The following TSHZ3 variants were observed in gnomAD, a reference collection of about 807,000 sequenced individuals.
TSHZ3 encodes the protein teashirt homolog 3.
Under a neutral mutation model 64.5 loss-of-function variants are expected in TSHZ3, and 10 were observed. That is an observed-to-expected ratio of 0.16 (90% CI 0.10 to 0.26). The LOEUF is 0.26. TSHZ3 is among the 10% of genes least tolerant of loss of function. TSHZ3 has a pLI of 1.00. For synonymous variants in TSHZ3, 608 were observed against 593.1 expected, an observed-to-expected ratio of 1.03 and a Z score of -0.36; for missense variants, 1,242 against 1,421.7, an observed-to-expected ratio of 0.87 and a Z score of 2.03.
intron 1 of TSHZ3, among the ~76,000 whole-genome samples, chr19:31,324,456 G>C (rs1599649117): frequency 6.6e-6 from 1 of 152,178 alleles, no homozygotes; most frequent in African/African-American, 2.4e-5. Flanking sequence ...CACGATGAAG[G>C]CTTCAAATTC....
intron 3 of TSHZ3, among the ~76,000 whole-genome samples, chr19:31,233,784 A>AT (rs755488519): frequency 5.3e-5 from 8 of 151,950 alleles, no homozygotes; most frequent in Middle Eastern, 3.2e-3. Context: ...ATTGAGGTTC[A>AT]TTTTTTTTCT....
chr19:31,344,627 C>T (rs949095503), intron 1 of TSHZ3, among the ~76,000 whole-genome samples: 2 of 152,230 alleles, frequency 1.3e-5, no homozygotes, highest in African/African-American at 4.8e-5. Context: ...CTGGCCCCAG[C>T]CTGACTCTGG....
chr19:31,346,132 C>G (rs897878099), intron 1 of TSHZ3, among the ~76,000 whole-genome samples: 3 of 152,188 alleles, frequency 2.0e-5, no homozygotes, highest in Non-Finnish European at 2.9e-5. Context: ...ATTCTTGGAG[C>G]CTGCTTCGGC....
At chr19:31,253,759 C>T (rs925062009) in intron 1 of TSHZ3, among the ~76,000 whole-genome samples, 7 of 152,156 alleles carry the variant, frequency 4.6e-5, no homozygotes, top group African/African-American at 7.2e-5. Context: ...ACTTCTACCT[C>T]GCAACCCGGA....
chr19:31,212,174 G>A (rs1975265639), intron 4 of TSHZ3, among the ~76,000 whole-genome samples: 1 of 152,050 alleles, frequency 6.6e-6, no homozygotes, highest in African/African-American at 2.4e-5. Context: ...AGCAAAGGGT[G>A]GCCAGACGCC....
chr19:31,197,986 G>T (rs529281475), intron 5 of TSHZ3, among the ~76,000 whole-genome samples: 11 of 152,060 alleles, frequency 7.2e-5, no homozygotes, highest in African/African-American at 2.6e-4. Context: ...CAGACAAAAA[G>T]ACATGACAAT....
At position 31,265,950 on chromosome 19, in the gene TSHZ3, C is replaced by A; in HGVS notation, n.64-23075G>T. 2.0e-5 allele frequency among the ~76,000 whole-genome samples: 3 copies of A among 152,202 alleles called. 1 individual carries two copies. The East Asian group carries it at 5.8e-4, about 29-fold the overall frequency. On this transcript the variant is annotated intron_variant and non_coding_transcript_variant, in intron 1 of 6. Coordinates refer to the TSHZ3 transcript ENST00000651361. The stretch of plus-strand genomic sequence containing the variant: ...TTATCCTAGACTACAGTCACATGAG[C>A]CCAAATCCCTTCCTTTTCTTAAGAT...
chr19:31,201,661 C>T (rs1048658606), intron 5 of TSHZ3, among the ~76,000 whole-genome samples: 2 of 152,178 alleles, frequency 1.3e-5, no homozygotes. Flanking sequence ...ATGTGGGCTT[C>T]ACGAGTGGCC....
intron 1 of TSHZ3, among the ~76,000 whole-genome samples, chr19:31,348,014 G>C (rs1453464036): frequency 6.6e-6 from 1 of 152,178 alleles, no homozygotes; most frequent in African/African-American, 2.4e-5. Flanking sequence ...AGAAGTAAAA[G>C]AAAGGAAGAG....
At chr19:31,194,466 C>A (rs1018557346) in intron 5 of TSHZ3, among the ~76,000 whole-genome samples, 2 of 152,194 alleles carry the variant, frequency 1.3e-5, no homozygotes, top group African/African-American at 4.8e-5. Flanking sequence ...CACACCATTG[C>A]AGCCATCCTG....
intron 3 of TSHZ3, among the ~76,000 whole-genome samples, chr19:31,232,861 G>A (rs553119744): frequency 2.1e-4 from 32 of 152,118 alleles, no homozygotes; most frequent in Non-Finnish European, 2.6e-4. Flanking sequence ...CACTTAGCAC[G>A]CCTGTGAGTG....
At chr19:31,281,830 T>G (rs1976365613) in intron 1 of TSHZ3, among the ~76,000 whole-genome samples, 3 of 152,192 alleles carry the variant, frequency 2.0e-5, no homozygotes, top group Admixed American at 1.3e-4. Flanking sequence ...AAATCTGGAC[T>G]CAAAACTCCA....
intron 4 of TSHZ3, among the ~76,000 whole-genome samples, chr19:31,207,987 A>G (rs1401207205): frequency 6.6e-6 from 1 of 152,192 alleles, no homozygotes; most frequent in Admixed American, 6.5e-5. Flanking sequence ...CCTTTATCAT[A>G]AGTGCAACGA....
chr19:31,186,930 A>G (rs1974819494), intron 5 of TSHZ3, among the ~76,000 whole-genome samples: 1 of 150,898 alleles, frequency 6.6e-6, no homozygotes, highest in Admixed American at 6.6e-5. Context: ...AATTCCTTAT[A>G]TATTCTGAAG....
intron 5 of TSHZ3, among the ~76,000 whole-genome samples, chr19:31,168,713 A>G (rs992627984): frequency 6.6e-6 from 1 of 152,164 alleles, no homozygotes; most frequent in Admixed American, 6.5e-5. Flanking sequence ...AAGAAAAGCC[A>G]ATGTCTTTCA....
At chr19:31,229,896 A>G (rs1391073672) in intron 3 of TSHZ3, among the ~76,000 whole-genome samples, 2 of 152,200 alleles carry the variant, frequency 1.3e-5, no homozygotes, top group Non-Finnish European at 2.9e-5. Flanking sequence ...GACATTTTCT[A>G]AAAAAGAAAA....
chr19:31,197,227 A>T (rs537184982), intron 5 of TSHZ3, among the ~76,000 whole-genome samples: 2 of 152,024 alleles, frequency 1.3e-5, no homozygotes, highest in South Asian at 4.1e-4. Context: ...AAAAATAAAT[A>T]TCAAGAGAAA....
At chr19:31,349,905 C>A (rs935751921), upstream of TSHZ3, among the ~76,000 whole-genome samples, 1 of 146,602 alleles carries the variant, frequency 6.8e-6, no homozygotes, top group African/African-American at 2.5e-5. Flanking sequence ...GGCGCCGCGC[C>A]CCCGCCCCCG....
intron 5 of TSHZ3, among the ~76,000 whole-genome samples, chr19:31,194,398 A>T (rs1974955550): frequency 6.6e-6 from 1 of 152,218 alleles, no homozygotes; most frequent in Non-Finnish European, 1.5e-5. Context: ...ACCAGAGCCT[A>T]ACCTGCTAGG....
Sources: allele counts gnomAD v4.1 joint callset (sites outside exome capture counted in the v4.1 genomes callset), GRCh38; gene constraint gnomAD v4.1.1; transcripts MANE v1.5; gene names NCBI Gene and HGNC (gene_info 2026-07-23, HGNC 2026-07-21).